Variants in CRB1 observed in about 807,000 individuals in gnomAD.
CRB1 encodes crumbs cell polarity complex component 1, also known as protein crumbs homolog 1.
A neutral mutation model predicts 120.0 loss-of-function variants in CRB1; 83 were observed. The ratio of observed to expected loss-of-function variants is 0.69; its 90% confidence interval spans 0.58 to 0.83. The LOEUF is 0.83. Among genes scored for constraint, CRB1 ranks in the 40% least tolerant of loss-of-function variants. CRB1 has a pLI of 0.00. For missense variants in CRB1, 1,699 were observed against 1,687.6 expected (o/e 1.01, Z -0.12); for synonymous variants, 625 against 612.5 (o/e 1.02, Z -0.30).
At position 197,281,504 on chromosome 1, in the gene CRB1, A is replaced by G. The variant is rs144852482; in HGVS notation, c.70+13022A>G. ...CTTCACGTGTTGGGAAGTGCCATGAAGGGGGGTTGAAAGCCACTGAAGGAC... is the reference window on the plus strand; with the variant it reads ...CTTCACGTGTTGGGAAGTGCCATGAGGGGGGGTTGAAAGCCACTGAAGGAC... On this transcript the variant is annotated intron_variant, in intron 1 of 11. Coordinates refer to ENST00000367400, the MANE Select transcript of CRB1 (RefSeq NM_201253.3). Among the ~76,000 whole-genome samples the G allele has an allele frequency of 3.7e-3, 565 of 151,858 alleles. 3 individuals are homozygous for G. The highest frequency in any genetic ancestry group is 0.013 in the African/African-American group (533 of 41,472).
chr1:197,280,849 G>A (rs1178300562), intron 1 of CRB1, among the ~76,000 whole-genome samples: 3 of 151,646 alleles, frequency 2.0e-5, no homozygotes, highest in Non-Finnish European at 4.4e-5. Flanking sequence ...ATATGCTTTT[G>A]TTTCTTCCTG....
the CRB1 span, among the ~76,000 whole-genome samples, chr1:197,239,978 C>G: frequency 2.7e-5 from 4 of 150,942 alleles, no homozygotes. Context: ...GTGTATAAAC[C>G]TTACCTTCCT....
chr1:197,340,563 CATG>C (rs1367314738), intron 2 of CRB1, among the ~76,000 whole-genome samples: 1 of 152,046 alleles, frequency 6.6e-6, no homozygotes, highest in Admixed American at 6.6e-5. Flanking sequence ...GCAGATGAGA[CATG>C]ATGAGGGTTG....
intron 1 of CRB1, among the ~76,000 whole-genome samples, chr1:197,276,529 A>G (rs904366866): frequency 6.6e-6 from 1 of 151,980 alleles, no homozygotes; most frequent in East Asian, 1.9e-4. Flanking sequence ...GGGGTAAGAG[A>G]GACAAAAACC....
chr1:197,282,389 T>C (rs1247947111), intron 1 of CRB1, among the ~76,000 whole-genome samples: 1 of 151,882 alleles, frequency 6.6e-6, no homozygotes, highest in Non-Finnish European at 1.5e-5. Context: ...GGCTTAAATA[T>C]GAGTGTTCCT....
At chr1:197,237,708 T>C in the CRB1 span, among the ~76,000 whole-genome samples, 1 of 152,220 alleles carries the variant, frequency 6.6e-6, no homozygotes, top group African/African-American at 2.4e-5. Flanking sequence ...TGATGACTTG[T>C]CTTTCATTTC....
chr1:197,262,847 A>T, the CRB1 span, among the ~76,000 whole-genome samples: 1 of 152,196 alleles, frequency 6.6e-6, no homozygotes, highest in African/African-American at 2.4e-5. Context: ...ATGTTCTTGC[A>T]AAGGACGCGA....
At chr1:197,204,239 G>A in the CRB1 span, among the ~76,000 whole-genome samples, 6 of 152,208 alleles carry the variant, frequency 3.9e-5, no homozygotes, top group Non-Finnish European at 8.8e-5. Flanking sequence ...TGCAAATTGT[G>A]CTGCTACAAG....
intron 1 of CRB1, among the ~76,000 whole-genome samples, chr1:197,288,500 C>G (rs1044718122): frequency 6.6e-6 from 1 of 151,662 alleles, no homozygotes; most frequent in African/African-American, 2.4e-5. Flanking sequence ...AAATAAGACC[C>G]AAATGAGGAG....
chr1:197,234,702 T>G, the CRB1 span, among the ~76,000 whole-genome samples: 1 of 152,190 alleles, frequency 6.6e-6, no homozygotes, highest in Non-Finnish European at 1.5e-5. Context: ...GTTCCAAAGA[T>G]AGAGAAGCCA....
At chr1:197,387,048 A>G (rs1571447630) in intron 5 of CRB1, among the ~76,000 whole-genome samples, 1 of 152,120 alleles carries the variant, frequency 6.6e-6, no homozygotes, top group East Asian at 1.9e-4. Flanking sequence ...TCAACAGTTG[A>G]CATCACTCCA....
At chr1:197,337,633 A>G (rs1280111792) in intron 2 of CRB1, among the ~76,000 whole-genome samples, 1 of 152,150 alleles carries the variant, frequency 6.6e-6, no homozygotes, top group South Asian at 2.1e-4. Flanking sequence ...TATGGTATCT[A>G]AACAATGTTT....
At chr1:197,304,584 C>T (rs1362067948) in intron 1 of CRB1, among the ~76,000 whole-genome samples, 1 of 152,202 alleles carries the variant, frequency 6.6e-6, no homozygotes. Context: ...ATTGTAGATT[C>T]TGGAAGGCTA....
chr1:197,253,873 G>C, the CRB1 span, among the ~76,000 whole-genome samples: 1 of 151,854 alleles, frequency 6.6e-6, no homozygotes, highest in Non-Finnish European at 1.5e-5. Flanking sequence ...CCACCTATAA[G>C]TAAGCCAACT....
chr1:197,226,737 G>A, the CRB1 span, among the ~76,000 whole-genome samples: 4 of 152,132 alleles, frequency 2.6e-5, no homozygotes, highest in African/African-American at 9.7e-5. Flanking sequence ...CTGTTTCCAT[G>A]CTGCTGTAAA....
chr1:197,370,315 T>C (rs1481339055), intron 5 of CRB1, among the ~76,000 whole-genome samples: 2 of 151,992 alleles, frequency 1.3e-5, no homozygotes, highest in African/African-American at 2.4e-5. Context: ...AACTATACTC[T>C]AAAACAAATG....
Position 197,442,151 on chromosome 1 carries a change from C to T in CRB1, c.3879-15C>T, listed in dbSNP as rs753473351. On this transcript the variant is annotated splice_polypyrimidine_tract_variant and intron_variant, in intron 10 of 11. Coordinates refer to ENST00000367400, the MANE Select transcript of CRB1 (RefSeq NM_201253.3). Reference sequence around the variant, plus strand: ...AACAGGGACCTGGGTTTCTGCTGTTCTGTTTATTTTGAAGGTGTGAAAAGG... The same window carrying T: ...AACAGGGACCTGGGTTTCTGCTGTTTTGTTTATTTTGAAGGTGTGAAAAGG... The T allele has an allele frequency of 1.2e-6, 2 of 1,614,030 alleles. No homozygotes were observed. The highest frequency in any genetic ancestry group is 2.2e-5 in the South Asian group (2 of 91,048).
chr1:197,222,205 G>A, the CRB1 span: 3 of 465,168 alleles, frequency 6.4e-6, no homozygotes, highest in Non-Finnish European at 1.2e-5. Flanking sequence ...CCTGCACTGC[G>A]CGGCCGCAGC....
chr1:197,460,153 A>T (rs1376318071), intron 11 of CRB1, among the ~76,000 whole-genome samples: 2 of 151,898 alleles, frequency 1.3e-5, no homozygotes, highest in African/African-American at 4.8e-5. Context: ...AGATATGATC[A>T]GATTAAGTCT....
Sources: allele counts gnomAD v4.1 joint callset (sites outside exome capture counted in the v4.1 genomes callset), GRCh38; gene constraint gnomAD v4.1.1; transcripts MANE v1.5; gene names NCBI Gene and HGNC (gene_info 2026-07-23, HGNC 2026-07-21).